The following ELF1 variants were observed in gnomAD, a reference collection of about 807,000 sequenced individuals.
The protein encoded by ELF1 is ETS-related transcription factor Elf-1.
In ELF1, 24 loss-of-function variants were observed where a neutral mutation model predicts 59.9. The ratio of observed to expected loss-of-function variants is 0.40; its 90% CI spans 0.29 to 0.56. ELF1 has a LOEUF of 0.56. Among genes scored for constraint, ELF1 ranks in the 20% least tolerant of loss-of-function variants. The pLI, the probability that ELF1 is intolerant of heterozygous loss-of-function variation, is 0.44. For synonymous variants in ELF1, 248 were observed against 266.2 expected (o/e 0.93, Z 0.67); for missense variants, 627 against 742.2 (o/e 0.84, Z 1.80).
At chr13:40,979,047 TC>T (rs1421188966) in intron 2 of ELF1, among the ~76,000 whole-genome samples, 2 of 151,470 alleles carry the variant, frequency 1.3e-5, no homozygotes, top group South Asian at 4.2e-4. Context: ...CTTCCTTCCT[TC>T]CCCCATCTAG....
chr13:41,008,848 T>C (rs1257678683), intron 1 of ELF1, among the ~76,000 whole-genome samples: 1 of 152,188 alleles, frequency 6.6e-6, no homozygotes, highest in Non-Finnish European at 1.5e-5. Context: ...ACAGATTTCA[T>C]GCAAAAGCAA....
Position 41,061,098 on chromosome 13 carries a change from TC to T in ELF1, c.-490del. The T allele has an allele frequency of 2.6e-5, 5 of 192,462 alleles. No individual in the cohort carries two copies. In the South Asian group the frequency reaches 4.1e-4, roughly 16 times the overall value. The allele number at this position is 192,462 out of a possible 1,614,324, so 11.9% of individuals were successfully genotyped here. On this transcript the variant is annotated 5_prime_UTR_variant, in exon 1 of 2. Transcript: ENST00000405737. ...GCAGCGCCGGTCCCGCAGTTTCACCTCTTTTTTTTTTAACTCCGCCAGAGGA... is the reference window on the plus strand; with the variant it reads ...GCAGCGCCGGTCCCGCAGTTTCACCTTTTTTTTTTTAACTCCGCCAGAGGA...
chr13:41,000,851 G>A (rs1461550466), intron 1 of ELF1, among the ~76,000 whole-genome samples: 1 of 146,842 alleles, frequency 6.8e-6, no homozygotes, highest in African/African-American at 2.5e-5. Flanking sequence ...CGTCCTCAAG[G>A]AGATTAGGAA....
chr13:41,051,813 G>A (rs1877098161), intron 1 of ELF1, among the ~76,000 whole-genome samples: 1 of 151,866 alleles, frequency 6.6e-6, no homozygotes, highest in South Asian at 2.1e-4. Flanking sequence ...AGTGATTAGT[G>A]TGCATTCAAA....
chr13:41,019,123 G>A (rs1229472088), intron 1 of ELF1, 105 bp downstream of exon 1: 1 of 900,602 alleles, frequency 1.1e-6, no homozygotes, highest in Non-Finnish European at 1.3e-6. Context: ...TTATCAGAGG[G>A]TTAAAGAACA....
upstream of ELF1, among the ~76,000 whole-genome samples, chr13:41,023,910 G>A (rs149802748): frequency 1.6e-4 from 25 of 152,152 alleles, no homozygotes; most frequent in Non-Finnish European, 2.5e-4. Flanking sequence ...CAGGATTTTC[G>A]TAAACATTGA....
intron 1 of ELF1, among the ~76,000 whole-genome samples, chr13:41,016,325 A>G (rs533926123): frequency 6.6e-6 from 1 of 152,208 alleles, no homozygotes; most frequent in Non-Finnish European, 1.5e-5. Flanking sequence ...ACCATTAAAA[A>G]TCTGAATTTC....
intron 8 of ELF1, among the ~76,000 whole-genome samples, chr13:40,940,415 A>AAAAC (rs1566165007): frequency 7.1e-4 from 80 of 112,956 alleles, no homozygotes; most frequent in African/African-American, 2.1e-3. Context: ...AAAAAAAAAA[A>AAAAC]AAACAAACCT....
At chr13:40,989,761 C>G (rs1873741155) in intron 1 of ELF1, among the ~76,000 whole-genome samples, 1 of 152,082 alleles carries the variant, frequency 6.6e-6, no homozygotes, top group African/African-American at 2.4e-5. Flanking sequence ...AATTCTACTA[C>G]ATGGTGAAAA....
intron 1 of ELF1, among the ~76,000 whole-genome samples, chr13:41,060,441 G>A (rs1019342243): frequency 1.3e-5 from 2 of 152,160 alleles, no homozygotes; most frequent in Non-Finnish European, 2.9e-5. Flanking sequence ...GGAAAACTAC[G>A]GGCCGGAGGG....
At chr13:41,019,486 C>G (rs1011912237), upstream of ELF1, 1 of 680,340 alleles carries the variant, frequency 1.5e-6, no homozygotes, top group Non-Finnish European at 1.8e-6. Context: ...GGAGCAAGAT[C>G]TACCTTGATT....
At chr13:40,935,826 C>T (rs1402140738) in intron 8 of ELF1, among the ~76,000 whole-genome samples, 1 of 152,038 alleles carries the variant, frequency 6.6e-6, no homozygotes, top group Non-Finnish European at 1.5e-5. Context: ...GCACCCGCCA[C>T]CATGCCCAGC....
intron 2 of ELF1, among the ~76,000 whole-genome samples, chr13:40,959,658 C>A (rs980486639): frequency 6.6e-6 from 1 of 152,100 alleles, no homozygotes; most frequent in African/African-American, 2.4e-5. Flanking sequence ...TCGCTTGGCA[C>A]AAAGGCTGTG....
chr13:40,994,511 G>A (rs1429058721), intron 1 of ELF1, among the ~76,000 whole-genome samples: 1 of 152,060 alleles, frequency 6.6e-6, no homozygotes, highest in Admixed American at 6.6e-5. Context: ...GGCATGGTGG[G>A]GGGGTGCCTG....
intron 1 of ELF1, among the ~76,000 whole-genome samples, chr13:41,017,361 G>A (rs1339161644): frequency 6.6e-6 from 1 of 152,050 alleles, no homozygotes; most frequent in Non-Finnish European, 1.5e-5. Context: ...ATGACCTCAA[G>A]CAAATCACAG....
chr13:41,031,231 T>C (rs187729390), intron 1 of ELF1, among the ~76,000 whole-genome samples: 24 of 152,216 alleles, frequency 1.6e-4, no homozygotes, highest in South Asian at 4.2e-4. Context: ...AACATTCTAT[T>C]TTGTATTACT....
intron 1 of ELF1, among the ~76,000 whole-genome samples, chr13:41,008,568 G>C (rs1874878071): frequency 6.6e-6 from 1 of 150,386 alleles, no homozygotes. Flanking sequence ...ATCTTGCTTA[G>C]GTTAAAAAAA....
chr13:41,059,859 C>T (rs1451557585), intron 1 of ELF1, among the ~76,000 whole-genome samples: 2 of 152,134 alleles, frequency 1.3e-5, no homozygotes, highest in African/African-American at 2.4e-5. Flanking sequence ...GATGTTTTGC[C>T]GTTGTTTTAA....
chr13:40,954,640 G>A (rs1458575929), intron 3 of ELF1, among the ~76,000 whole-genome samples: 1 of 152,198 alleles, frequency 6.6e-6, no homozygotes, highest in Admixed American at 6.5e-5. Context: ...GGTGGAGGCG[G>A]GGTTTTGCTG....
Sources: allele counts gnomAD v4.1 joint callset (sites outside exome capture counted in the v4.1 genomes callset), GRCh38; gene constraint gnomAD v4.1.1; transcripts MANE v1.5; gene names NCBI Gene and HGNC (gene_info 2026-07-23, HGNC 2026-07-21).